Variants in NUP210L observed in about 807,000 individuals in gnomAD.
NUP210L encodes nucleoporin 210 like.
NUP210L carries 74 observed loss-of-function variants against 208.5 expected under a neutral mutation model. The observed-to-expected ratio is 0.35, with a 90% confidence interval of 0.29 to 0.43. NUP210L has a LOEUF of 0.43. Ranked by LOEUF, NUP210L falls within the 20% of genes least tolerant of loss-of-function variation. The probability of loss-of-function intolerance (pLI) is 1.00; values close to 1 mark genes in which losing one functional copy is unlikely to be tolerated. For missense variants in NUP210L, 1,843 were observed against 2,289.4 expected, an observed-to-expected ratio of 0.81 and a Z score of 3.98; for synonymous variants, 780 against 816.9, an observed-to-expected ratio of 0.95 and a Z score of 0.77.
intron 27 of NUP210L, among the ~76,000 whole-genome samples, chr1:154,036,160 T>C (rs780993559): frequency 2.0e-5 from 3 of 152,108 alleles, no homozygotes; most frequent in African/African-American, 7.2e-5. Context: ...CAGGAGCATA[T>C]TGTTTAATTA....
intron 2 of NUP210L, among the ~76,000 whole-genome samples, chr1:154,149,537 T>C (rs537348796): frequency 6.6e-6 from 1 of 152,016 alleles, no homozygotes; most frequent in African/African-American, 2.4e-5. Context: ...CCCACTACCA[T>C]AGTCTTACAA....
At chr1:154,070,275 T>A in exon 17 of NUP210L, 3 of 1,582,294 alleles carry the variant, frequency 1.9e-6, no homozygotes, top group Non-Finnish European at 2.6e-6. Context: ...CACAATACCA[T>A]GTAACCGGGT....
At chr1:154,028,716 T>G (rs1652043779) in intron 28 of NUP210L, among the ~76,000 whole-genome samples, 1 of 152,126 alleles carries the variant, frequency 6.6e-6, no homozygotes, top group African/African-American at 2.4e-5. Flanking sequence ...TATGGGGAGT[T>G]GAAGGGAGTG....
chr1:154,057,291 A>G (rs936283309), intron 22 of NUP210L, among the ~76,000 whole-genome samples: 4 of 152,150 alleles, frequency 2.6e-5, no homozygotes, highest in African/African-American at 9.6e-5. Context: ...TTAGGTTCTG[A>G]AAGTGGCCAG....
At chr1:154,106,006 A>G (rs937691949) in intron 12 of NUP210L, among the ~76,000 whole-genome samples, 4 of 152,128 alleles carry the variant, frequency 2.6e-5, no homozygotes, top group African/African-American at 9.7e-5. Context: ...TACACCTGTA[A>G]TCCCAACACT....
At chr1:154,049,600 A>G (rs1255650922) in intron 25 of NUP210L, among the ~76,000 whole-genome samples, 2 of 152,230 alleles carry the variant, frequency 1.3e-5, no homozygotes, top group Non-Finnish European at 2.9e-5. Flanking sequence ...CTGAACAATT[A>G]GAAAAAGGAC....
At chr1:153,997,142 T>G (rs1649934855) in intron 37 of NUP210L, among the ~76,000 whole-genome samples, 1 of 151,964 alleles carries the variant, frequency 6.6e-6, no homozygotes, top group East Asian at 1.9e-4. Context: ...TTTTGTATTT[T>G]TAGTAGAGAT....
intron 16 of NUP210L, chr1:154,079,463 A>T (rs1405832075): frequency 6.6e-6 from 1 of 152,102 alleles, no homozygotes; most frequent in African/African-American, 2.4e-5. Context: ...TGGGACCTTA[A>T]GGCTCAGCTA....
intron 16 of NUP210L, among the ~76,000 whole-genome samples, chr1:154,087,927 G>C (rs2148042221): frequency 6.6e-6 from 1 of 152,334 alleles, no homozygotes; most frequent in Admixed American, 6.5e-5. Flanking sequence ...GCCGGGGCTA[G>C]GAAATGGAGG....
At chr1:154,061,543 C>CAATTAAATATA (rs1466426307) in intron 18 of NUP210L, 43 bp downstream of exon 18, 3 of 1,130,528 alleles carry the variant, frequency 2.7e-6, no homozygotes, top group Middle Eastern at 2.7e-4. Context: ...CTTTACATTC[C>CAATTAAATATA]AATTATTTAA....
chr1:154,139,436 T>C (rs936786870), intron 5 of NUP210L, among the ~76,000 whole-genome samples: 13 of 152,210 alleles, frequency 8.5e-5, no homozygotes, highest in Admixed American at 4.6e-4. Flanking sequence ...TTCAATTAAA[T>C]GACCAACTAT....
intron 6 of NUP210L, among the ~76,000 whole-genome samples, chr1:154,137,641 G>A (rs1056403478): frequency 2.6e-5 from 4 of 151,936 alleles, no homozygotes; most frequent in Non-Finnish European, 5.9e-5. Context: ...CTTGAGCACA[G>A]GAGTTCAATG....
intron 27 of NUP210L, among the ~76,000 whole-genome samples, chr1:154,031,020 T>C (rs369762800): frequency 5.9e-5 from 9 of 152,288 alleles, no homozygotes; most frequent in African/African-American, 2.2e-4. Flanking sequence ...AGTGTTGCAA[T>C]TACAGGCGTG....
chr1:154,107,622 T>C (rs1344017408), intron 12 of NUP210L, among the ~76,000 whole-genome samples: 2 of 152,118 alleles, frequency 1.3e-5, no homozygotes, highest in Non-Finnish European at 2.9e-5. Flanking sequence ...TCCCAGCACT[T>C]TGGGAGGCCA....
At chr1:154,144,587 T>C (rs1413460195) in intron 2 of NUP210L, among the ~76,000 whole-genome samples, 1 of 152,178 alleles carries the variant, frequency 6.6e-6, no homozygotes, top group Non-Finnish European at 1.5e-5. Context: ...AAAATTGTTT[T>C]GTACCACTAT....
At chr1:154,008,578 G>A (rs534749760) in intron 35 of NUP210L, among the ~76,000 whole-genome samples, 102 of 152,180 alleles carry the variant, frequency 6.7e-4, no homozygotes, top group African/African-American at 2.3e-3. Context: ...GTGGTGACAC[G>A]CGCCTGTAAT....
At chr1:154,072,261 C>T (rs1315931614) in intron 16 of NUP210L, among the ~76,000 whole-genome samples, 4 of 151,346 alleles carry the variant, frequency 2.6e-5, no homozygotes, top group Non-Finnish European at 4.4e-5. Context: ...AAAGTGTTCC[C>T]TGTTCACCAT....
exon 2 of NUP210L, chr1:154,152,768 C>T (rs199882994): frequency 7.4e-6 from 12 of 1,613,862 alleles, no homozygotes; most frequent in Non-Finnish European, 9.3e-6. Flanking sequence ...ACTGCTGAGG[C>T]GTATCGGTTG....
rs11326284 is a variant in NUP210L, at chr1:154,025,355, C to CT, written c.4122+186dup. Among the ~76,000 whole-genome samples, 397 of 125,816 alleles carry CT rather than the reference C, an allele frequency of 3.2e-3. 3 individuals carry two copies. The highest frequency in any genetic ancestry group is 9.3e-3 in the African/African-American group (302 of 32,388). 82.5% of individuals were successfully genotyped at this position (125,816 alleles called of 152,430 possible). ...AGAGTTTCTTCTTCTTCTTCTTCTC[C>CT]TTTTTTTTTTTTTTTTTCTGGTTCA... On this transcript the variant is annotated intron_variant, in intron 30 of 39. Coordinates refer to ENST00000368559, the Ensembl canonical transcript of NUP210L.
Sources: gnomAD v4.1 joint callset for allele counts (sites outside exome capture counted in the v4.1 genomes callset) on GRCh38, gnomAD v4.1.1 for gene constraint, MANE v1.5 for transcripts, NCBI Gene and HGNC (gene_info 2026-07-23, HGNC 2026-07-21) for gene names.